PRKD1: variants seen among roughly 807,000 people sequenced by gnomAD.
PRKD1 encodes the protein serine/threonine-protein kinase D1.
A neutral mutation model predicts 95.9 loss-of-function variants in PRKD1; 63 were observed. The observed-to-expected ratio is 0.66, with a 90% CI of 0.54 to 0.81. PRKD1 has a LOEUF of 0.81. Ranked by LOEUF, PRKD1 falls within the 30% of genes least tolerant of loss-of-function variation. PRKD1 has a pLI of 0.00. For missense variants in PRKD1, 1,048 were observed against 1,165.3 expected, an observed-to-expected ratio of 0.90 and a Z score of 1.47; for synonymous variants, 425 against 423.1, an observed-to-expected ratio of 1.00 and a Z score of -0.05.
Position 29,686,570 on chromosome 14 carries a change from T to C in PRKD1, c.404-20362A>G, listed in dbSNP as rs1442255460. Among the ~76,000 whole-genome samples, 6 of 152,336 alleles carry C rather than the reference T, an allele frequency of 3.9e-5. No individual in the cohort carries two copies. In the East Asian group the frequency reaches 1.2e-3, roughly 29 times the overall value. ...AACAAAACTGGGGCTGGGGCCTTGCTATTGTCTGATACACGTTCTACTCTA... is the reference window on the plus strand; with the variant it reads ...AACAAAACTGGGGCTGGGGCCTTGCCATTGTCTGATACACGTTCTACTCTA... On this transcript the variant is annotated intron_variant, in intron 2 of 17. Coordinates refer to ENST00000331968, the MANE Select transcript of PRKD1 (RefSeq NM_002742.3).
At chr14:29,895,909 T>G (rs186010696) in intron 1 of PRKD1, among the ~76,000 whole-genome samples, 1 of 152,300 alleles carries the variant, frequency 6.6e-6, no homozygotes, top group East Asian at 1.9e-4. Context: ...TTAACCATAC[T>G]TTTTACTTTT....
chr14:29,768,269 A>G (rs532461606), intron 1 of PRKD1, among the ~76,000 whole-genome samples: 1 of 152,308 alleles, frequency 6.6e-6, no homozygotes, highest in Non-Finnish European at 1.5e-5. Context: ...ATCCAAATTC[A>G]CCAAACACAT....
chr14:29,905,901 A>G (rs1010121954), intron 1 of PRKD1, among the ~76,000 whole-genome samples: 3 of 152,244 alleles, frequency 2.0e-5, no homozygotes, highest in African/African-American at 7.2e-5. Context: ...ACTCTCGAGA[A>G]AGTCAACTCA....
At chr14:29,823,232 T>G (rs1404929076) in intron 1 of PRKD1, among the ~76,000 whole-genome samples, 1 of 152,228 alleles carries the variant, frequency 6.6e-6, no homozygotes, top group Non-Finnish European at 1.5e-5. Flanking sequence ...TGTATAATTT[T>G]CATATTATGC....
chr14:29,606,818 C>A (rs751672017), intron 13 of PRKD1, among the ~76,000 whole-genome samples: 5 of 152,150 alleles, frequency 3.3e-5, no homozygotes, highest in Admixed American at 6.5e-5. Context: ...CTTTCAACTC[C>A]TCTTATTTTT....
chr14:29,782,780 A>C (rs1309679132), intron 1 of PRKD1, among the ~76,000 whole-genome samples: 3 of 152,080 alleles, frequency 2.0e-5, no homozygotes, highest in Non-Finnish European at 4.4e-5. Flanking sequence ...CCCAGGCTCA[A>C]CTAATCCGCC....
chr14:29,910,362 C>T (rs1320937864), intron 1 of PRKD1, among the ~76,000 whole-genome samples: 4 of 152,082 alleles, frequency 2.6e-5, no homozygotes, highest in African/African-American at 9.7e-5. Context: ...TGAACACGTC[C>T]GAACATCAGA....
chr14:29,912,488 T>A (rs74040628), intron 1 of PRKD1, among the ~76,000 whole-genome samples: 7,800 of 152,186 alleles, frequency 0.051, 220 homozygotes, highest in South Asian at 0.093. Context: ...TTAACATGAC[T>A]TCAATAGTAT....
rs1263199338 is a variant in PRKD1, at chr14:29,663,737, C to G, written c.658G>C (p.Ala220Pro). 6.2e-7 allele frequency: 1 copy of G among 1,613,988 alleles called. No homozygotes were observed. Among genetic ancestry groups the G allele is most frequent in the Admixed American group, 1.7e-5 (1 of 60,006 alleles). The part of the protein sequence containing the change: ...TGVSTIRTSS[A>P]ELSTSAPDEP... ...TCAGGGGCACTTGTAGAGAGTTCAG[C>G]AGATGATGTGCGGATGGTGCTGACC... The change falls in exon 4 of 18, where the codon GCT becomes CCT. Residue 220 changes from alanine to proline, a missense_variant. By Grantham distance (27) the Ala-to-Pro change is conservative (BLOSUM62 -1). This residue lies in a region of PRKD1 where 275 missense variants were observed against 248.6 expected (regional missense o/e 1.11). Coordinates refer to ENST00000331968, the MANE Select transcript of PRKD1 (RefSeq NM_002742.3).
chr14:29,926,692 A>C (rs12885483), intron 1 of PRKD1, among the ~76,000 whole-genome samples: 9,917 of 152,236 alleles, frequency 0.065, 367 homozygotes, highest in East Asian at 0.16. Flanking sequence ...TTCCATGCTC[A>C]TACAGAAGTG....
intron 4 of PRKD1, among the ~76,000 whole-genome samples, chr14:29,644,451 A>G (rs73255541): frequency 0.029 from 4,357 of 152,118 alleles, 182 homozygotes; most frequent in African/African-American, 0.093. Flanking sequence ...ACTGTAAAAC[A>G]GATAGCTACA....
chr14:29,779,096 G>A lies in PRKD1; in HGVS notation c.265-53422C>T, dbSNP rs1055242625. On this transcript the variant is annotated intron_variant, in intron 1 of 17. Transcript: ENST00000331968. ...TTGACAAAATTCAACAGCCCTTCAT[G>A]CTAAAAACTCTCAATAAATTAGGTA... is the stretch of plus-strand genomic sequence containing the variant. 3.3e-5 allele frequency among the ~76,000 whole-genome samples: 5 copies of A among 152,116 alleles called. No individual in the cohort carries two copies. In the South Asian group the frequency reaches 8.3e-4, roughly 25 times the overall value.
In PRKD1 at chr14:29,825,572, A is replaced by G. The variant is rs45456600; in HGVS notation, c.265-99898T>C. Among the ~76,000 whole-genome samples the G allele has an allele frequency of 2.0e-5, 3 of 152,226 alleles. No homozygotes were observed. In the East Asian group the frequency reaches 5.8e-4, roughly 29 times the overall value. ...ATGATTTACAAGTTTATACCAAGGT[A>G]TGAACCTAATCCACAAAGGGATCAT... On this transcript the variant is annotated intron_variant, in intron 1 of 17. Coordinates refer to ENST00000331968, the MANE Select transcript of PRKD1 (RefSeq NM_002742.3).
At chr14:29,831,130 GCA>G (rs1205725105) in intron 1 of PRKD1, among the ~76,000 whole-genome samples, 1 of 152,098 alleles carries the variant, frequency 6.6e-6, no homozygotes, top group Admixed American at 6.6e-5. Flanking sequence ...TACTTGCCAG[GCA>G]CAGAGTTAAG....
chr14:29,881,023 G>C (rs1344760105), intron 1 of PRKD1, among the ~76,000 whole-genome samples: 1 of 152,146 alleles, frequency 6.6e-6, no homozygotes, highest in East Asian at 1.9e-4. Context: ...GTAGGCTTTT[G>C]GGTTAACACT....
At chr14:29,711,058 A>G (rs994179261) in intron 2 of PRKD1, among the ~76,000 whole-genome samples, 1 of 152,132 alleles carries the variant, frequency 6.6e-6, no homozygotes, top group African/African-American at 2.4e-5. Context: ...CAACCAGAGT[A>G]GAGATTTATA....
chr14:29,879,501 A>C (rs1893426724), intron 1 of PRKD1, among the ~76,000 whole-genome samples: 3 of 152,140 alleles, frequency 2.0e-5, no homozygotes, highest in Non-Finnish European at 4.4e-5. Context: ...AGTCCAATTA[A>C]ACCTCTTTTT....
chr14:29,773,255 G>A (rs140426162), intron 1 of PRKD1, among the ~76,000 whole-genome samples: 2,564 of 152,178 alleles, frequency 0.017, 64 homozygotes, highest in African/African-American at 0.058. Flanking sequence ...GAGGTCAGGA[G>A]TTTGAGACCA....
intron 13 of PRKD1, among the ~76,000 whole-genome samples, chr14:29,612,194 G>A (rs1003597225): frequency 2.2e-4 from 33 of 152,140 alleles, no homozygotes; most frequent in Admixed American, 2.0e-3. Flanking sequence ...ATCTGTATAA[G>A]GTTCTGTGGC....
Sources: gnomAD v4.1 joint callset for allele counts (sites outside exome capture counted in the v4.1 genomes callset) on GRCh38, gnomAD v4.1.1 for gene constraint, gnomAD v4.1.1 regional missense constraint, MANE v1.5 for transcripts, NCBI Gene and HGNC (gene_info 2026-07-23, HGNC 2026-07-21) for gene names.